The following AP3B2 variants were observed in gnomAD, a reference collection of about 807,000 sequenced individuals.
AP3B2 encodes adaptor related protein complex 3 subunit beta 2.
A neutral mutation model predicts 126.9 loss-of-function variants in AP3B2; 50 were observed. The observed-to-expected ratio is 0.39, with a 90% confidence interval of 0.31 to 0.50. The LOEUF is 0.50. AP3B2 is among the 20% of genes least tolerant of loss of function. The pLI is 0.79. For missense variants in AP3B2, 1,177 were observed against 1,426.4 expected (o/e 0.83, Z 2.82); for synonymous variants, 541 against 565.0 (o/e 0.96, Z 0.60).
At chr15:82,696,456 T>A (rs1261652132) in intron 1 of AP3B2, among the ~76,000 whole-genome samples, 1 of 152,064 alleles carries the variant, frequency 6.6e-6, no homozygotes, top group Non-Finnish European at 1.5e-5. Context: ...CACACACCTG[T>A]AATCCCAGCT....
At chr15:82,692,282 GA>G (rs1567271953) in intron 1 of AP3B2, 4 of 741,388 alleles carry the variant, frequency 5.4e-6, no homozygotes, top group East Asian at 2.8e-5. Context: ...CGTACTTGTA[GA>G]AAAGGTCTTC....
rs2048214378 is a variant in AP3B2, at chr15:82,674,625, A to G, written c.1665+1836T>C. On this transcript the variant is annotated intron_variant, in intron 14 of 26. Coordinates refer to ENST00000535359, the MANE Select transcript of AP3B2 (RefSeq NM_001278512.2). ...GCTGTGAGTATCTGGAGACCTGTAA[A>G]TGTGTCTCACTCATTGTCATATCCT... is the stretch of plus-strand genomic sequence containing the variant. 3.3e-5 allele frequency among the ~76,000 whole-genome samples: 5 copies of G among 152,224 alleles called. No individual in the cohort carries two copies. The South Asian group carries it at 1.0e-3, about 31-fold the overall frequency.
At chr15:82,695,095 C>CTTTTTT in intron 1 of AP3B2, among the ~76,000 whole-genome samples, 1 of 134,818 alleles carries the variant, frequency 7.4e-6, no homozygotes, top group African/African-American at 2.8e-5. Flanking sequence ...TTCTTTCTTT[C>CTTTTTT]TTTTTTTTTT....
intron 25 of AP3B2, 144 bp from the exon 26 acceptor site, chr15:82,660,127 G>C: frequency 8.9e-7 from 1 of 1,123,024 alleles, no homozygotes; most frequent in Non-Finnish European, 1.3e-6. Context: ...TCAGTCTTGG[G>C]GAGAAGGTAC....
At position 82,680,844 on chromosome 15, in the gene AP3B2, G is replaced by A. The variant is rs778352468; in HGVS notation, c.764C>T (p.Thr255Ile). Reference sequence around the variant, plus strand: ...TGGGCTGGGCCCACTTACGTTCTGGGTGGGGCTCAGGAACTGCGTGCGGGC... The same window carrying A: ...TGGGCTGGGCCCACTTACGTTCTGGATGGGGCTCAGGAACTGCGTGCGGGC... ...RYARTQFLSP[T>I]QNESLLEENA... Residue 255 changes from threonine (T) to isoleucine (I), a missense_variant, in exon 7 of 27, where the codon ACC becomes ATC. Around this residue, in one of 5 missense-constraint regions of AP3B2, gnomAD observed 103 missense variants for 101.4 expected, o/e 1.02. Coordinates refer to ENST00000535359, the MANE Select transcript of AP3B2 (RefSeq NM_001278512.2). The surrounding 1 kb of genome is among the most constrained non-coding windows in gnomAD (Gnocchi z 6.1). The A allele has an allele frequency of 1.2e-6, 2 of 1,613,670 alleles. No individual in the cohort carries two copies. The highest frequency in any genetic ancestry group is 3.3e-5 in the Admixed American group (2 of 59,982).
chr15:82,667,079 A>G (rs1397503855), intron 14 of AP3B2, 146 bp from the exon 15 acceptor site: 10 of 773,894 alleles, frequency 1.3e-5, no homozygotes, highest in Non-Finnish European at 2.0e-5. Flanking sequence ...GTCCCTCCCC[A>G]CCTGCCCTTG....
rs1208885878 is a variant in AP3B2, at chr15:82,668,505, A to G, written c.1666-1572T>C. On this transcript the variant is annotated intron_variant, in intron 14 of 26. Coordinates refer to ENST00000535359, the MANE Select transcript of AP3B2 (RefSeq NM_001278512.2). ...CAATGTCTTCCTCCACAGATTTCCC[A>G]GCTGGCTGATCACAGACTCCCTCCT... Among the ~76,000 whole-genome samples the G allele has an allele frequency of 1.3e-5, 2 of 152,154 alleles. 1 individual carries two copies. Among genetic ancestry groups the G allele is most frequent in the South Asian group, 4.1e-4 (2 of 4,826 alleles).
rs754086524 is a variant in AP3B2 at position 82,689,369 on chromosome 15, C to T, written c.189+9G>A. 71 of 1,613,700 alleles carry T rather than the reference C, an allele frequency of 4.4e-5. No individual in the cohort carries two copies. Among genetic ancestry groups the T allele is most frequent in the Middle Eastern group, 3.3e-4 (2 of 6,084 alleles). On this transcript the variant is annotated intron_variant, in intron 2 of 26. Coordinates refer to ENST00000535359, the MANE Select transcript of AP3B2 (RefSeq NM_001278512.2). ...CGCCCGGAGGGAGGCCTCCTCCTTC[C>T]CCTCTTACCGCCACAATCCTCTTCA...
At chr15:82,667,841 C>T (rs1459835230) in intron 14 of AP3B2, among the ~76,000 whole-genome samples, 1 of 152,178 alleles carries the variant, frequency 6.6e-6, no homozygotes, top group Non-Finnish European at 1.5e-5. Flanking sequence ...TCTGCTGGAG[C>T]TGCACCCCAT....
chr15:82,678,121 A>G lies in AP3B2; in HGVS notation c.1229T>C (p.Val410Ala). The G allele has an allele frequency of 6.2e-7, 1 of 1,613,870 alleles. No homozygotes were observed. The highest frequency in any genetic ancestry group is 8.5e-7 in the Non-Finnish European group (1 of 1,179,846). The change falls in exon 11 of 27, where the codon GTC becomes GCC. Residue 410 changes from valine to alanine, a missense_variant. Val to Ala is a moderately conservative substitution (Grantham distance 64). Transcript: ENST00000535359. ...GGCCTGTACCTGGAATTCCCGTAGG[A>G]CAGTAGGAATGTTGGTCTCATTGGC... The part of the protein sequence containing the change: ...NLANETNIPT[V>A]LREFQTYIRS...
intron 4 of AP3B2, chr15:82,687,718 T>C (rs546470388): frequency 1.3e-5 from 2 of 152,200 alleles, no homozygotes; most frequent in Non-Finnish European, 2.9e-5. Context: ...GGCCCTGGAT[T>C]TGAGCAGCAA....
Position 82,664,762 on chromosome 15 carries a change from A to G in AP3B2, c.2137+73T>C. ...CCCCTAGACACACAACCATATACAT[A>G]TACCCCTCATATAGTCAGTCACACA... is the stretch of plus-strand genomic sequence containing the variant. On this transcript the variant is annotated intron_variant, in intron 18 of 26. Coordinates refer to ENST00000535359, the MANE Select transcript of AP3B2 (RefSeq NM_001278512.2). The surrounding 1 kb of genome is among the most constrained non-coding windows in gnomAD (Gnocchi z 4.5). The G allele has an allele frequency of 3.3e-6, 4 of 1,202,988 alleles. No homozygotes were observed. The highest frequency in any genetic ancestry group is 4.8e-6 in the Non-Finnish European group (4 of 840,362). The allele number at this position is 1,202,988 out of a possible 1,614,324, so 74.5% of individuals were successfully genotyped here. A position where few individuals can be genotyped will look rare whatever the true frequency, so the allele number is the denominator to read the frequency against.
intron 1 of AP3B2, among the ~76,000 whole-genome samples, chr15:82,701,050 G>A (rs1306688024): frequency 3.3e-5 from 5 of 151,998 alleles, no homozygotes; most frequent in East Asian, 3.9e-4. Flanking sequence ...TAGTAGAGAC[G>A]GGGTTTTGAC....
chr15:82,680,277 A>T lies in AP3B2; in HGVS notation c.1056-48T>A. On this transcript the variant is annotated intron_variant, in intron 8 of 26. Coordinates refer to ENST00000535359, the MANE Select transcript of AP3B2 (RefSeq NM_001278512.2). This position sits in a 1 kb window ranked among gnomAD's most constrained non-coding sequence, Gnocchi z 6.1. ...CACCCCGGGCCCCTCGGTTGGGGCAAGGGTCAGCGGATGAGGGGAAAAGGT... is the reference window on the plus strand; with the variant it reads ...CACCCCGGGCCCCTCGGTTGGGGCATGGGTCAGCGGATGAGGGGAAAAGGT... The T allele has an allele frequency of 6.2e-7, 1 of 1,611,944 alleles. No individual in the cohort carries two copies. Among genetic ancestry groups the T allele is most frequent in the Non-Finnish European group, 8.5e-7 (1 of 1,179,028 alleles).
intron 1 of AP3B2, 69 bp downstream of exon 1, chr15:82,709,525 T>G: frequency 8.6e-6 from 10 of 1,166,644 alleles, no homozygotes; most frequent in Middle Eastern, 3.4e-4. Flanking sequence ...GCGCTGTCCA[T>G]GGTGCCCGCG....
At position 82,681,357 on chromosome 15, in the gene AP3B2, A is replaced by AG; in HGVS notation, c.521+62dup. The AG allele has an allele frequency of 1.9e-6, 3 of 1,594,666 alleles. No homozygotes were observed. The highest frequency in any genetic ancestry group is 2.6e-6 in the Non-Finnish European group (3 of 1,168,846). On this transcript the variant is annotated intron_variant, in intron 5 of 26. Coordinates refer to ENST00000535359, the MANE Select transcript of AP3B2 (RefSeq NM_001278512.2). The surrounding 1 kb of genome is among the most constrained non-coding windows in gnomAD (Gnocchi z 4.0). ...CAGCAGGCAAGACTTAGGAAAGGCC[A>AG]GGGGTGGGTTGAGAACTTAGGAACC...
intron 3 of AP3B2, 140 bp from the exon 4 acceptor site, chr15:82,688,971 G>A (rs2048478391): frequency 1.0e-6 from 1 of 989,242 alleles, no homozygotes; most frequent in Non-Finnish European, 1.5e-6. Context: ...ACCCCTGAGT[G>A]TATCCGGGTC....
At chr15:82,688,514 G>A (rs1382818138) in intron 4 of AP3B2, 2 of 702,842 alleles carry the variant, frequency 2.8e-6, no homozygotes, top group Admixed American at 2.0e-5. Flanking sequence ...AAGAGAGACA[G>A]GGGCCCTGGG....
Position 82,665,425 on chromosome 15 carries a change from ACACACAC to A in AP3B2, c.1971+25_1971+31del, listed in dbSNP as rs1461539093. On this transcript the variant is annotated intron_variant, in intron 16 of 26. Transcript: ENST00000535359. The surrounding 1 kb of genome is among the most constrained non-coding windows in gnomAD (Gnocchi z 4.4). ...CACACACACACACACACACACACACACACACACACTTCAACCCTCCACCCCGCTGACC... is the reference window on the plus strand; with the variant it reads ...CACACACACACACACACACACACACAACTTCAACCCTCCACCCCGCTGACC... The A allele has an allele frequency of 1.2e-5, 14 of 1,164,026 alleles. No homozygotes were observed. The highest frequency in any genetic ancestry group is 1.6e-5 in the Non-Finnish European group (13 of 829,422). The allele number at this position is 1,164,026 out of a possible 1,614,324, so 72.1% of individuals were successfully genotyped here.
Sources: gnomAD v4.1 joint callset for allele counts (sites outside exome capture counted in the v4.1 genomes callset) on GRCh38, gnomAD v4.1.1 for gene constraint, gnomAD v4.1.1 regional missense constraint, Gnocchi (gnomAD v3.1) non-coding constraint, MANE v1.5 for transcripts, NCBI Gene and HGNC (gene_info 2026-07-23, HGNC 2026-07-21) for gene names.